CNTN5: variants seen among roughly 807,000 people sequenced by gnomAD.
CNTN5 encodes the protein contactin-5.
Under a neutral mutation model 129.1 loss-of-function variants are expected in CNTN5, and 77 were observed. The observed-to-expected ratio is 0.60, with a 90% CI of 0.50 to 0.72. The LOEUF is 0.72. Ranked by LOEUF, CNTN5 falls within the 30% of genes least tolerant of loss-of-function variation. The pLI, the probability that CNTN5 is intolerant of heterozygous loss-of-function variation, is 0.00. For synonymous variants in CNTN5, 509 were observed against 465.6 expected, an observed-to-expected ratio of 1.09 and a Z score of -1.20; for missense variants, 1,478 against 1,328.8, an observed-to-expected ratio of 1.11 and a Z score of -1.75.
chr11:100,182,538 T>C (rs1948169526), intron 13 of CNTN5, among the ~76,000 whole-genome samples: 1 of 152,030 alleles, frequency 6.6e-6, no homozygotes, highest in Non-Finnish European at 1.5e-5. Flanking sequence ...GACATAAACA[T>C]CCAGATCATA....
chr11:100,097,667 G>A (rs1440321066), intron 13 of CNTN5, among the ~76,000 whole-genome samples: 2 of 152,074 alleles, frequency 1.3e-5, no homozygotes, highest in Non-Finnish European at 2.9e-5. Context: ...GAAAGATGAT[G>A]TCTGGATTTA....
At chr11:99,145,485 T>C (rs1859737864) in intron 1 of CNTN5, among the ~76,000 whole-genome samples, 2 of 152,156 alleles carry the variant, frequency 1.3e-5, no homozygotes, top group African/African-American at 4.8e-5. Flanking sequence ...TTGTTTATTC[T>C]ATATTTTTGA....
At chr11:99,409,330 T>C (rs1942280934) in intron 2 of CNTN5, among the ~76,000 whole-genome samples, 1 of 151,954 alleles carries the variant, frequency 6.6e-6, no homozygotes, top group African/African-American at 2.4e-5. Flanking sequence ...TAACCAGGCA[T>C]GGTGGCAGGC....
chr11:99,797,219 G>T (rs1053617981), intron 3 of CNTN5, among the ~76,000 whole-genome samples: 1 of 152,142 alleles, frequency 6.6e-6, no homozygotes, highest in South Asian at 2.1e-4. Flanking sequence ...ACATAGGAGT[G>T]CAGGCGTAAT....
At chr11:99,495,970 T>C (rs1946209101) in intron 2 of CNTN5, among the ~76,000 whole-genome samples, 1 of 152,280 alleles carries the variant, frequency 6.6e-6, no homozygotes, top group South Asian at 2.1e-4. Context: ...ATGGGAATTA[T>C]GTATTGAAGG....
At chr11:99,389,152 C>G (rs1941101162) in intron 2 of CNTN5, among the ~76,000 whole-genome samples, 1 of 152,002 alleles carries the variant, frequency 6.6e-6, no homozygotes, top group South Asian at 2.1e-4. Flanking sequence ...CCCCCAGCCT[C>G]CCAAGTAGCT....
chr11:100,125,362 C>T (rs1236386086), intron 13 of CNTN5, among the ~76,000 whole-genome samples: 2 of 151,974 alleles, frequency 1.3e-5, no homozygotes, highest in East Asian at 1.9e-4. Flanking sequence ...CTATTTTCAT[C>T]TTTATGTCCA....
chr11:100,113,335 A>T (rs865778558), intron 13 of CNTN5, among the ~76,000 whole-genome samples: 1 of 141,906 alleles, frequency 7.0e-6, no homozygotes, highest in African/African-American at 2.5e-5. Context: ...TGGTATCGCC[A>T]TGTAACCTGA....
At chr11:99,968,097 C>T (rs1951144345) in intron 8 of CNTN5, among the ~76,000 whole-genome samples, 1 of 152,130 alleles carries the variant, frequency 6.6e-6, no homozygotes, top group Non-Finnish European at 1.5e-5. Context: ...CCAGGCTTCT[C>T]ACCTTTCTTT....
chr11:99,275,140 C>G (rs887669171), intron 1 of CNTN5, among the ~76,000 whole-genome samples: 1 of 151,102 alleles, frequency 6.6e-6, no homozygotes, highest in Admixed American at 6.6e-5. Context: ...GACCCCTAGC[C>G]TCATGAAATG....
intron 21 of CNTN5, among the ~76,000 whole-genome samples, chr11:100,333,962 C>T (rs780512177): frequency 6.6e-6 from 1 of 152,160 alleles, no homozygotes; most frequent in Non-Finnish European, 1.5e-5. Flanking sequence ...AAAGCTTCTG[C>T]ACAGCGATAG....
chr11:99,372,950 T>C (rs2136136804), intron 2 of CNTN5, among the ~76,000 whole-genome samples: 1 of 152,352 alleles, frequency 6.6e-6, no homozygotes. Flanking sequence ...GGCTCACGCC[T>C]ATAATCCCAG....
chr11:99,268,364 A>G (rs1863007812), intron 1 of CNTN5, among the ~76,000 whole-genome samples: 1 of 151,942 alleles, frequency 6.6e-6, no homozygotes, highest in African/African-American at 2.4e-5. Flanking sequence ...GGTTAAATTC[A>G]GTTTAATGAG....
chr11:99,078,943 T>C (rs1371894315), intron 1 of CNTN5, among the ~76,000 whole-genome samples: 1 of 152,028 alleles, frequency 6.6e-6, no homozygotes, highest in Non-Finnish European at 1.5e-5. Context: ...TAAAAGAGTA[T>C]AAGTGGAATG....
intron 21 of CNTN5, among the ~76,000 whole-genome samples, chr11:100,315,050 T>C (rs1244867913): frequency 6.6e-6 from 1 of 152,190 alleles, no homozygotes; most frequent in Non-Finnish European, 1.5e-5. Flanking sequence ...TTTCTTGAAT[T>C]TTTGTATTTT....
intron 3 of CNTN5, among the ~76,000 whole-genome samples, chr11:99,806,689 C>G (rs923944138): frequency 2.6e-5 from 4 of 151,784 alleles, no homozygotes; most frequent in African/African-American, 4.8e-5. Flanking sequence ...CACCTCTAAT[C>G]CCAGCTACTT....
rs1952555241 is a variant in CNTN5, at chr11:100,357,676, ATAATT to A, written c.*1460_*1464del. The A allele has an allele frequency of 6.6e-6, 1 of 151,402 alleles. No individual in the cohort carries two copies. Among genetic ancestry groups the A allele is most frequent in the Admixed American group, 6.6e-5 (1 of 15,180 alleles). The allele number at this position is 151,402 out of a possible 1,614,324, so 9.4% of individuals were successfully genotyped here. A position where few individuals can be genotyped will look rare whatever the true frequency, so the allele number is the denominator to read the frequency against. On this transcript the variant is annotated 3_prime_UTR_variant, in exon 25 of 25. Coordinates refer to ENST00000524871, the MANE Select transcript of CNTN5 (RefSeq NM_014361.4). The stretch of plus-strand genomic sequence containing the variant: ...ACAAAAATTGGTTTTATAATTTTAT[ATAATT>A]TAAACTTGTTAACTGTATTTGCTTC...
intron 3 of CNTN5, among the ~76,000 whole-genome samples, chr11:99,625,135 G>T (rs906315708): frequency 6.6e-6 from 1 of 152,154 alleles, no homozygotes; most frequent in African/African-American, 2.4e-5. Context: ...TGCAGGACAG[G>T]AAATAGATTA....
At chr11:99,798,587 G>A (rs1946020451) in intron 3 of CNTN5, among the ~76,000 whole-genome samples, 1 of 152,016 alleles carries the variant, frequency 6.6e-6, no homozygotes, top group Non-Finnish European at 1.5e-5. Context: ...GGTATTTGGT[G>A]TTATTTCTGG....
Sources: allele counts gnomAD v4.1 joint callset (sites outside exome capture counted in the v4.1 genomes callset), GRCh38; gene constraint gnomAD v4.1.1; transcripts MANE v1.5; gene names NCBI Gene and HGNC (gene_info 2026-07-23, HGNC 2026-07-21).